The following CSMD3 variants were observed in gnomAD, a reference collection of about 807,000 sequenced individuals.
CSMD3 encodes the protein CUB and Sushi multiple domains 3.
Under a neutral mutation model 435.2 loss-of-function variants are expected in CSMD3, and 177 were observed. That is an observed-to-expected ratio of 0.41 (90% CI 0.36 to 0.46). The LOEUF (loss-of-function observed/expected upper bound fraction) is 0.46. Ranked by LOEUF, CSMD3 falls within the 20% of genes least tolerant of loss-of-function variation. The pLI, the probability that CSMD3 is intolerant of heterozygous loss-of-function variation, is 0.34. For synonymous variants in CSMD3, 1,656 were observed against 1,520.5 expected, an observed-to-expected ratio of 1.09 and a Z score of -2.07; for missense variants, 4,265 against 4,504.6, an observed-to-expected ratio of 0.95 and a Z score of 1.52.
intron 32 of CSMD3, among the ~76,000 whole-genome samples, chr8:112,424,392 T>C (rs1407380045): frequency 6.6e-6 from 1 of 152,168 alleles, no homozygotes; most frequent in Non-Finnish European, 1.5e-5. Flanking sequence ...TAAAAGAAAC[T>C]ATAAAGAACA....
chr8:112,943,364 CT>C (rs61536028), intron 9 of CSMD3, among the ~76,000 whole-genome samples: 151,546 of 151,548 alleles, frequency 1, 75,772 homozygotes, highest in Middle Eastern at 1. Flanking sequence ...ATCGATTATA[CT>C]TTTTGGTGTT....
At chr8:112,394,141 A>G (rs765051193) in intron 35 of CSMD3, among the ~76,000 whole-genome samples, 2 of 152,176 alleles carry the variant, frequency 1.3e-5, no homozygotes, top group Non-Finnish European at 2.9e-5. Flanking sequence ...CCATTCACTC[A>G]GTTCTTAGGC....
intron 68 of CSMD3, among the ~76,000 whole-genome samples, chr8:112,234,041 A>T (rs183177456): frequency 1.5e-4 from 23 of 151,964 alleles, no homozygotes; most frequent in South Asian, 6.2e-4. Context: ...TGTAGATGGA[A>T]TATATTTGAT....
chr8:112,451,043 A>G (rs1009270238), intron 32 of CSMD3, among the ~76,000 whole-genome samples: 7 of 152,180 alleles, frequency 4.6e-5, no homozygotes, highest in Non-Finnish European at 7.3e-5. Flanking sequence ...GTACAAATAT[A>G]TGATGAAAAA....
chr8:113,320,747 TCTCCTA>T (rs1407675067), intron 1 of CSMD3, among the ~76,000 whole-genome samples: 51 of 152,120 alleles, frequency 3.4e-4, no homozygotes, highest in Admixed American at 2.0e-4. Context: ...CTCATGAACT[TCTCCTA>T]AAACCACTCC....
At chr8:112,343,443 G>T (rs1825369595) in intron 41 of CSMD3, among the ~76,000 whole-genome samples, 1 of 152,000 alleles carries the variant, frequency 6.6e-6, no homozygotes, top group African/African-American at 2.4e-5. Flanking sequence ...TAAATAGAAA[G>T]TCCCCAGCAA....
intron 5 of CSMD3, among the ~76,000 whole-genome samples, chr8:113,020,440 T>A (rs935988784): frequency 6.6e-6 from 1 of 152,088 alleles, no homozygotes; most frequent in Non-Finnish European, 1.5e-5. Context: ...AGCAAAGCAG[T>A]TTTTATGACA....
intron 13 of CSMD3, among the ~76,000 whole-genome samples, chr8:112,696,838 C>T (rs1258594575): frequency 1.8e-4 from 27 of 151,906 alleles, no homozygotes; most frequent in Admixed American, 1.2e-3. Context: ...TGACAAAGGG[C>T]TAATATCCAG....
intron 1 of CSMD3, among the ~76,000 whole-genome samples, chr8:113,425,920 A>C (rs1368338246): frequency 6.6e-6 from 1 of 151,576 alleles, no homozygotes; most frequent in Non-Finnish European, 1.5e-5. Flanking sequence ...AAACATTTGA[A>C]TCAGTTCAGC....
At chr8:113,173,409 C>T (rs566017614) in intron 4 of CSMD3, among the ~76,000 whole-genome samples, 2 of 152,168 alleles carry the variant, frequency 1.3e-5, no homozygotes, top group African/African-American at 4.8e-5. Context: ...GCAGCCTCCA[C>T]CTTCTGGGTT....
chr8:112,556,971 A>C lies in CSMD3; in HGVS notation c.4043-17T>G. The C allele has an allele frequency of 6.3e-7, 1 of 1,581,838 alleles. No homozygotes were observed. The highest frequency in any genetic ancestry group is 8.7e-7 in the Non-Finnish European group (1 of 1,151,820). On this transcript the variant is annotated splice_polypyrimidine_tract_variant and intron_variant, in intron 24 of 70. Transcript: ENST00000297405. Reference sequence around the variant, plus strand: ...GTTCAAAACCTGGGACAAAAATATAAATTGATTAAAGGCAAAATTTAGGAG... The same window carrying C: ...GTTCAAAACCTGGGACAAAAATATACATTGATTAAAGGCAAAATTTAGGAG...
At chr8:112,738,201 A>ATC (rs2077227415) in intron 13 of CSMD3, among the ~76,000 whole-genome samples, 1 of 151,736 alleles carries the variant, frequency 6.6e-6, no homozygotes, top group Non-Finnish European at 1.5e-5. Flanking sequence ...GAATTAGAAA[A>ATC]TCAAAGAAAT....
chr8:112,704,219 A>C (rs1435609955), intron 13 of CSMD3, among the ~76,000 whole-genome samples: 1 of 151,808 alleles, frequency 6.6e-6, no homozygotes, highest in East Asian at 1.9e-4. Context: ...GACCTCAATG[A>C]TCCCCCCACC....
chr8:113,077,284 T>C lies in CSMD3; in HGVS notation c.917+21472A>G, dbSNP rs73335917. Among the ~76,000 whole-genome samples, 1,147 of 151,734 alleles carry C rather than the reference T, an allele frequency of 7.6e-3. 24 individuals carry two copies. The highest frequency in any genetic ancestry group is 0.026 in the African/African-American group (1,085 of 41,332). On this transcript the variant is annotated intron_variant, in intron 5 of 70. Transcript: ENST00000297405. ...GATGATTTCTTCCAACTAAATGTAA[T>C]CTTAAATTACCTCAAAATAAAAGAT... is the stretch of plus-strand genomic sequence containing the variant.
intron 22 of CSMD3, among the ~76,000 whole-genome samples, chr8:112,603,267 A>G (rs1041965908): frequency 2.0e-5 from 3 of 152,214 alleles, no homozygotes; most frequent in African/African-American, 7.2e-5. Flanking sequence ...TTCCCATGGC[A>G]TTATTCAGTT....
At chr8:112,941,417 A>G (rs1043006968) in intron 9 of CSMD3, among the ~76,000 whole-genome samples, 3 of 151,818 alleles carry the variant, frequency 2.0e-5, no homozygotes, top group Admixed American at 1.3e-4. Context: ...TTATGGATGG[A>G]AACTGTGGAC....
At chr8:112,990,584 G>A (rs1319313381) in intron 6 of CSMD3, among the ~76,000 whole-genome samples, 1 of 151,794 alleles carries the variant, frequency 6.6e-6, no homozygotes, top group Non-Finnish European at 1.5e-5. Flanking sequence ...AAGGTGAAAA[G>A]AAAATAAGTA....
At chr8:112,582,139 A>G (rs1830380401) in intron 23 of CSMD3, among the ~76,000 whole-genome samples, 1 of 152,054 alleles carries the variant, frequency 6.6e-6, no homozygotes, top group African/African-American at 2.4e-5. Flanking sequence ...TCCCATTGAT[A>G]TAAGTGATTC....
chr8:113,427,080 A>G (rs1301444833), intron 1 of CSMD3, among the ~76,000 whole-genome samples: 6 of 151,492 alleles, frequency 4.0e-5, no homozygotes, highest in African/African-American at 1.2e-4. Flanking sequence ...TTCTGAAAAT[A>G]TAACAACAAA....
Sources: allele counts gnomAD v4.1 joint callset (sites outside exome capture counted in the v4.1 genomes callset), GRCh38; gene constraint gnomAD v4.1.1; transcripts MANE v1.5; gene names NCBI Gene and HGNC (gene_info 2026-07-23, HGNC 2026-07-21).